GIMAP8: variants seen among roughly 807,000 people sequenced by gnomAD.
GIMAP8 encodes the protein GTPase IMAP family member 8.
A neutral mutation model predicts 35.6 loss-of-function variants in GIMAP8; 29 were observed. The observed-to-expected ratio is 0.81, with a 90% CI of 0.61 to 1.11. The LOEUF is 1.11. Ranked by LOEUF, GIMAP8 falls within the 50% of genes most tolerant of loss-of-function variation. GIMAP8 has a pLI of 0.00. For synonymous variants in GIMAP8, 335 were observed against 308.7 expected (o/e 1.09, Z -0.89); for missense variants, 811 against 805.0 (o/e 1.01, Z -0.09).
At chr7:150,476,530 G>T (rs770144917) in intron 4 of GIMAP8, among the ~76,000 whole-genome samples, 10 of 152,244 alleles carry the variant, frequency 6.6e-5, no homozygotes, top group Non-Finnish European at 1.5e-4. Flanking sequence ...AATGAGAAAT[G>T]AATTTTTACA....
chr7:150,453,926 G>A (rs1158880107), intron 1 of GIMAP8, among the ~76,000 whole-genome samples: 1 of 151,874 alleles, frequency 6.6e-6, no homozygotes, highest in Non-Finnish European at 1.5e-5. Flanking sequence ...CGGGTGCTAG[G>A]TATGGGGTGG....
Position 150,479,008 on chromosome 7 carries a change from A to G in GIMAP8, c.*1228A>G, listed in dbSNP as rs1585123373. The G allele has an allele frequency of 6.6e-6, 1 of 152,188 alleles. No individual in the cohort carries two copies. Among genetic ancestry groups the G allele is most frequent in the African/African-American group, 2.4e-5 (1 of 41,434 alleles). The allele number at this position is 152,188 out of a possible 1,614,324, so 9.4% of individuals were successfully genotyped here. A position where few individuals can be genotyped will look rare whatever the true frequency, so the allele number is the denominator to read the frequency against. ...GTCATCTGTTTTTTTCCCCTAGACAATATCAGGTTACCGTCAACATTAATC... is the reference window on the plus strand; with the variant it reads ...GTCATCTGTTTTTTTCCCCTAGACAGTATCAGGTTACCGTCAACATTAATC... On this transcript the variant is annotated 3_prime_UTR_variant, in exon 5 of 5. Transcript: ENST00000307271.
chr7:150,461,631 C>T (rs1327307330), intron 1 of GIMAP8, among the ~76,000 whole-genome samples: 2 of 152,132 alleles, frequency 1.3e-5, no homozygotes, highest in South Asian at 2.1e-4. Context: ...TTCTTGTAAG[C>T]AGCATATAGT....
intron 2 of GIMAP8, among the ~76,000 whole-genome samples, chr7:150,469,121 G>A (rs1802035044): frequency 6.6e-6 from 1 of 152,210 alleles, no homozygotes; most frequent in Non-Finnish European, 1.5e-5. Context: ...TCCTTGCCCT[G>A]TGCTCCGCTG....
intron 1 of GIMAP8, among the ~76,000 whole-genome samples, chr7:150,457,162 A>C (rs1730124460): frequency 6.6e-6 from 1 of 152,252 alleles, no homozygotes; most frequent in South Asian, 2.1e-4. Flanking sequence ...AGTATTCCTT[A>C]AGGAGAACAA....
intron 2 of GIMAP8, among the ~76,000 whole-genome samples, chr7:150,469,842 G>T (rs369256980): frequency 7.9e-5 from 12 of 152,170 alleles, no homozygotes; most frequent in African/African-American, 2.9e-4. Context: ...ACGCATGTCC[G>T]TACTATGGAA....
chr7:150,454,374 G>A (rs1400560961), intron 1 of GIMAP8, among the ~76,000 whole-genome samples: 2 of 152,136 alleles, frequency 1.3e-5, no homozygotes, highest in Admixed American at 6.5e-5. Flanking sequence ...GGTGGAAACC[G>A]GGGAGCAGTG....
chr7:150,451,686 G>A lies in GIMAP8; in HGVS notation c.-29+511G>A, dbSNP rs1414160004. ...CAGCCCCCAGGAGGAAGCCAGCGGA[G>A]CTCCTCCCGCAAAGCAGGGGGTGGG... On this transcript the variant is annotated intron_variant, in intron 1 of 4. Coordinates refer to ENST00000307271, the MANE Select transcript of GIMAP8 (RefSeq NM_175571.4). This position sits in a 1 kb window ranked among gnomAD's most constrained non-coding sequence, Gnocchi z 4.1. 6.6e-6 allele frequency among the ~76,000 whole-genome samples: 1 copy of A among 152,176 alleles called. No individual in the cohort carries two copies.
chr7:150,465,159 G>GA (rs1801926134), intron 1 of GIMAP8, among the ~76,000 whole-genome samples: 2 of 152,210 alleles, frequency 1.3e-5, no homozygotes, highest in Non-Finnish European at 2.9e-5. Flanking sequence ...AGAGACACTA[G>GA]AAAGGGTGTG....
intron 1 of GIMAP8, among the ~76,000 whole-genome samples, chr7:150,463,286 A>G (rs777060613): frequency 6.6e-6 from 1 of 151,670 alleles, no homozygotes; most frequent in Non-Finnish European, 1.5e-5. Flanking sequence ...GTTCTCTTTT[A>G]TATTGTTGAT....
At chr7:150,456,425 T>C (rs1215755413) in intron 1 of GIMAP8, among the ~76,000 whole-genome samples, 2 of 152,168 alleles carry the variant, frequency 1.3e-5, no homozygotes, top group Non-Finnish European at 2.9e-5. Context: ...TCTTTAAAGC[T>C]AGCAATGTGG....
At chr7:150,458,207 C>T (rs1801771428) in intron 1 of GIMAP8, among the ~76,000 whole-genome samples, 1 of 152,028 alleles carries the variant, frequency 6.6e-6, no homozygotes, top group South Asian at 2.1e-4. Context: ...ATTGTGGAGG[C>T]TTGGTGAGAC....
rs1200112967 is a variant in GIMAP8 at position 150,458,805 on chromosome 7, TTATAA to T, written c.-29+7636_-29+7640del. ...ATGTAAAGTTAACCATACTTAAATA[TTATAA>T]TATAAAATCAATACATCTTTTGTTA... On this transcript the variant is annotated intron_variant, in intron 1 of 4. Transcript: ENST00000307271. 4.6e-5 allele frequency among the ~76,000 whole-genome samples: 7 copies of T among 152,346 alleles called. No individual in the cohort carries two copies. In the South Asian group the frequency reaches 8.3e-4, roughly 18 times the overall value.
At position 150,466,892 on chromosome 7, in the gene GIMAP8, A is replaced by C; in HGVS notation, c.194A>C (p.Asp65Ala). ...AGAGAAAGGAAGGTTGTGGTAATTG[A>C]CACCCCTGACCTTTTCTCCTCAATA... ...VLRERKVVVI[D>A]TPDLFSSIAC... Residue 65 changes from aspartate (D) to alanine (A), a missense_variant, in exon 2 of 5, where the codon GAC (aspartate) becomes GCC (alanine). By Grantham distance (126) the Asp-to-Ala change is moderately radical (BLOSUM62 -2). Coordinates refer to ENST00000307271, the MANE Select transcript of GIMAP8 (RefSeq NM_175571.4). 1 of 1,614,252 alleles carries C rather than the reference A, an allele frequency of 6.2e-7. No individual in the cohort carries two copies. Among genetic ancestry groups the C allele is most frequent in the Non-Finnish European group, 8.5e-7 (1 of 1,180,042 alleles).
chr7:150,467,263 G>T lies in GIMAP8; in HGVS notation c.565G>T (p.Val189Phe), dbSNP rs749750785. The T allele has an allele frequency of 6.2e-7, 1 of 1,614,234 alleles. No individual in the cohort carries two copies. The highest frequency in any genetic ancestry group is 8.5e-7 in the Non-Finnish European group (1 of 1,180,016). The change falls in exon 2 of 5, where the codon GTT becomes TTT. Residue 189 changes from valine to phenylalanine, a missense_variant. By Grantham distance (50) the Val-to-Phe change is conservative (BLOSUM62 -1). Coordinates refer to ENST00000307271, the MANE Select transcript of GIMAP8 (RefSeq NM_175571.4). ...ITQVLELLRKVESLVNTNGGP... is the reference protein window; with the variant it reads ...ITQVLELLRKFESLVNTNGGP... Reference sequence around the variant, plus strand: ...CCAGGTGTTGGAGCTCCTTCGCAAGGTTGAGTCTTTGGTGAATACGAACGG... The same window carrying T: ...CCAGGTGTTGGAGCTCCTTCGCAAGTTTGAGTCTTTGGTGAATACGAACGG...
Position 150,474,252 on chromosome 7 carries a change from C to A in GIMAP8, c.923C>A (p.Ser308Tyr), listed in dbSNP as rs377636397. 4 of 1,614,076 alleles carry A rather than the reference C, an allele frequency of 2.5e-6. No homozygotes were observed. The African/African-American group carries it at 5.3e-5, about 22-fold the overall frequency. ...VSIIDAPDIS[S>Y]LKNIDSEVRK... ...ATCATTGATGCTCCGGACATCTCATCTTTAAAGAACATTGACTCAGAAGTT... is the reference window on the plus strand; with the variant it reads ...ATCATTGATGCTCCGGACATCTCATATTTAAAGAACATTGACTCAGAAGTT... Residue 308 changes from serine (S) to tyrosine (Y), a missense_variant, in exon 4 of 5, where the codon TCT becomes TAT. Transcript: ENST00000307271.
chr7:150,470,748 T>A, intron 2 of GIMAP8, 81 bp from the exon 3 acceptor site: 2 of 372,144 alleles, frequency 5.4e-6, no homozygotes, highest in Non-Finnish European at 4.4e-6. Flanking sequence ...TCAATTTCCT[T>A]TTTTTTTTTT....
chr7:150,454,201 T>G (rs1339169955), intron 1 of GIMAP8, among the ~76,000 whole-genome samples: 2 of 151,094 alleles, frequency 1.3e-5, no homozygotes, highest in Non-Finnish European at 1.5e-5. Context: ...GGGCACAAGG[T>G]AGGGTCTCGT....
Position 150,466,911 on chromosome 7 carries a change from C to T in GIMAP8, c.213C>T (p.Ser71=). ...TAATTGACACCCCTGACCTTTTCTC[C>T]TCAATAGCTTGTGCTGAAGACAAGC... is the stretch of plus-strand genomic sequence containing the variant. ...VVVIDTPDLF[S]SIACAEDKQR... Residue 71 remains serine, a synonymous_variant, in exon 2 of 5, where the codon TCC becomes TCT. Transcript: ENST00000307271. 3 of 1,614,204 alleles carry T rather than the reference C, an allele frequency of 1.9e-6. No individual in the cohort carries two copies. The African/African-American group carries it at 4.0e-5, about 22-fold the overall frequency.
Sources: gnomAD v4.1 joint callset for allele counts (sites outside exome capture counted in the v4.1 genomes callset) on GRCh38, gnomAD v4.1.1 for gene constraint, Gnocchi (gnomAD v3.1) non-coding constraint, MANE v1.5 for transcripts, NCBI Gene and HGNC (gene_info 2026-07-23, HGNC 2026-07-21) for gene names.